Variants in UBTD2 observed in about 807,000 individuals in gnomAD.
The protein encoded by UBTD2 is ubiquitin domain containing 2.
In UBTD2, 9 loss-of-function variants were observed where a neutral mutation model predicts 19.8. That is an observed-to-expected ratio of 0.46 (90% CI 0.27 to 0.79). The LOEUF is 0.79. Ranked by LOEUF, UBTD2 falls within the 30% of genes least tolerant of loss-of-function variation. The pLI, the probability that UBTD2 is intolerant of heterozygous loss-of-function variation, is 0.14. For synonymous variants in UBTD2, 98 were observed against 103.9 expected (o/e 0.94, Z 0.35); for missense variants, 250 against 300.4 (o/e 0.83, Z 1.24).
chr5:172,228,155 T>C (rs1052617728), intron 2 of UBTD2, among the ~76,000 whole-genome samples: 1 of 152,228 alleles, frequency 6.6e-6, no homozygotes, highest in African/African-American at 2.4e-5. Flanking sequence ...TGAAGTATTC[T>C]ATATAGTGTG....
chr5:172,278,923 C>T (rs918550807), intron 1 of UBTD2, among the ~76,000 whole-genome samples: 3 of 152,044 alleles, frequency 2.0e-5, no homozygotes, highest in African/African-American at 7.2e-5. Context: ...TACAGGCACT[C>T]GCCACCACCA....
At chr5:172,236,535 C>G (rs1214747840) in intron 1 of UBTD2, among the ~76,000 whole-genome samples, 1 of 152,222 alleles carries the variant, frequency 6.6e-6, no homozygotes, top group Non-Finnish European at 1.5e-5. Flanking sequence ...CCACAACCCA[C>G]TGATTGCACC....
chr5:172,250,924 A>AC (rs1491582613), intron 1 of UBTD2, among the ~76,000 whole-genome samples: 2 of 82,974 alleles, frequency 2.4e-5, no homozygotes, highest in South Asian at 1.1e-3. Context: ...ACAGAGCGAG[A>AC]CCCTGTCTCA....
At chr5:172,224,340 C>A (rs978730504) in intron 2 of UBTD2, among the ~76,000 whole-genome samples, 1 of 148,836 alleles carries the variant, frequency 6.7e-6, no homozygotes, top group Non-Finnish European at 1.5e-5. Flanking sequence ...CACCCTGTCG[C>A]CCAGGCTGGA....
intron 1 of UBTD2, among the ~76,000 whole-genome samples, chr5:172,236,288 T>C (rs554539578): frequency 2.4e-4 from 36 of 152,342 alleles, no homozygotes; most frequent in Middle Eastern, 6.8e-3. Context: ...GGAAGCAGAA[T>C]AGGAAACCCA....
chr5:172,266,870 T>C lies in UBTD2; in HGVS notation c.70+16726A>G, dbSNP rs569824645. Among the ~76,000 whole-genome samples, 18 of 151,996 alleles carry C rather than the reference T, an allele frequency of 1.2e-4. 1 individual carries two copies. Among genetic ancestry groups the C allele is most frequent in the Admixed American group, 1.2e-3 (18 of 15,242 alleles). ...CTGGGCAACAAAACAAGACACCATC[T>C]ATACAAAAAAAATTTAGAGATCAGC... On this transcript the variant is annotated intron_variant, in intron 1 of 2. Coordinates refer to ENST00000393792, the MANE Select transcript of UBTD2 (RefSeq NM_152277.3).
chr5:172,251,519 T>G (rs1484736825), intron 1 of UBTD2, among the ~76,000 whole-genome samples: 2 of 139,574 alleles, frequency 1.4e-5, no homozygotes, highest in Non-Finnish European at 3.1e-5. Context: ...GAAAGCAGCA[T>G]GAGAAAAGCA....
At chr5:172,227,544 A>T (rs1049452446) in intron 2 of UBTD2, among the ~76,000 whole-genome samples, 32 of 146,578 alleles carry the variant, frequency 2.2e-4, no homozygotes, top group Non-Finnish European at 4.4e-4. Flanking sequence ...TAAATGACAA[A>T]TTTTTTTTTT....
chr5:172,211,347 CCAAAACAAAACAAAA>C lies in UBTD2; in HGVS notation c.*468_*482del, dbSNP rs67100133. 0.033 allele frequency: 5,050 copies of C among 151,268 alleles called. 100 individuals are homozygous for C. The highest frequency in any genetic ancestry group is 0.061 in the Middle Eastern group (18 of 294). 9.4% of individuals were successfully genotyped at this position (151,268 alleles called of 1,614,324 possible). A position where few individuals can be genotyped will look rare whatever the true frequency, so the allele number is the denominator to read the frequency against. Reference sequence around the variant, plus strand: ...TACTGCTCTTTTCAGTTTCCATTAACCAAAACAAAACAAAACAAAACAAAACAAAACAAAACAAAA... The same window carrying C: ...TACTGCTCTTTTCAGTTTCCATTAACCAAAACAAAACAAAACAAAACAAAA... On this transcript the variant is annotated 3_prime_UTR_variant, in exon 3 of 3. Transcript: ENST00000393792.
chr5:172,255,129 T>C, intron 1 of UBTD2: 1 of 465,150 alleles, frequency 2.1e-6, no homozygotes, highest in Non-Finnish European at 4.2e-6. Context: ...TTTTCATTGG[T>C]GGGCTGGAAG....
intron 2 of UBTD2, among the ~76,000 whole-genome samples, chr5:172,233,437 T>C (rs567065680): frequency 1.7e-4 from 25 of 146,766 alleles, no homozygotes; most frequent in African/African-American, 6.3e-4. Flanking sequence ...AAAAATTCTA[T>C]GTTTCTCATC....
At chr5:172,266,621 T>C (rs1333195788) in intron 1 of UBTD2, among the ~76,000 whole-genome samples, 2 of 152,154 alleles carry the variant, frequency 1.3e-5, no homozygotes. Context: ...ATGAGAAAAG[T>C]AATGTCAGGT....
intron 1 of UBTD2, among the ~76,000 whole-genome samples, chr5:172,244,769 C>T (rs577511213): frequency 5.9e-5 from 9 of 152,236 alleles, no homozygotes; most frequent in African/African-American, 1.9e-4. Context: ...GCTCTAGTCC[C>T]TCAGGATGGA....
At chr5:172,252,357 G>C (rs927430890) in intron 1 of UBTD2, 2 of 152,150 alleles carry the variant, frequency 1.3e-5, no homozygotes, top group Non-Finnish European at 2.9e-5. Context: ...CTTGAGGATA[G>C]AATTGGCAGA....
intron 1 of UBTD2, chr5:172,254,421 G>C: frequency 2.5e-6 from 1 of 395,838 alleles, no homozygotes; most frequent in Non-Finnish European, 4.7e-6. Flanking sequence ...CCTATGGTTG[G>C]GACGGGAAAA....
chr5:172,215,604 A>C (rs1771525875), intron 2 of UBTD2, among the ~76,000 whole-genome samples: 1 of 152,228 alleles, frequency 6.6e-6, no homozygotes, highest in Non-Finnish European at 1.5e-5. Context: ...CAAGCACAAA[A>C]CTAGACTCAG....
intron 2 of UBTD2, among the ~76,000 whole-genome samples, chr5:172,227,047 G>T (rs1344662005): frequency 6.6e-6 from 1 of 152,214 alleles, no homozygotes; most frequent in Non-Finnish European, 1.5e-5. Flanking sequence ...TAACGGAGCA[G>T]ACTAGAAGCA....
chr5:172,229,524 A>G (rs1771848929), intron 2 of UBTD2, among the ~76,000 whole-genome samples: 1 of 150,404 alleles, frequency 6.6e-6, no homozygotes, highest in African/African-American at 2.5e-5. Flanking sequence ...AAAAAAAAAA[A>G]AGAGGAGAGC....
chr5:172,247,850 C>T (rs1343595602), intron 1 of UBTD2, among the ~76,000 whole-genome samples: 8 of 152,238 alleles, frequency 5.3e-5, no homozygotes, highest in Admixed American at 4.6e-4. Flanking sequence ...ACATAAAGAA[C>T]ATTCTACCCA....
Sources: gnomAD v4.1 joint callset for allele counts (sites outside exome capture counted in the v4.1 genomes callset) on GRCh38, gnomAD v4.1.1 for gene constraint, MANE v1.5 for transcripts, NCBI Gene and HGNC (gene_info 2026-07-23, HGNC 2026-07-21) for gene names.